The following FOXP1 variants were observed in gnomAD, a reference collection of about 807,000 sequenced individuals.
FOXP1 encodes forkhead box protein P1.
In FOXP1, 15 loss-of-function variants were observed where a neutral mutation model predicts 98.2. The ratio of observed to expected loss-of-function variants is 0.15; its 90% CI spans 0.10 to 0.24. The LOEUF (loss-of-function observed/expected upper bound fraction) is 0.24, where lower values mean the gene tolerates loss of function less well. FOXP1 is among the 10% of genes least tolerant of loss of function. FOXP1 has a pLI of 1.00. For synonymous variants in FOXP1, 371 were observed against 314.5 expected, an observed-to-expected ratio of 1.18 and a Z score of -1.90; for missense variants, 633 against 848.5, an observed-to-expected ratio of 0.75 and a Z score of 3.15.
At chr3:71,441,996 G>A (rs997971725) in intron 3 of FOXP1, among the ~76,000 whole-genome samples, 13 of 152,202 alleles carry the variant, frequency 8.5e-5, no homozygotes, top group African/African-American at 2.2e-4. Context: ...CACCCACTAC[G>A]TTCTTAACGA....
chr3:71,404,586 A>C (rs935611006), intron 3 of FOXP1, among the ~76,000 whole-genome samples: 63 of 149,094 alleles, frequency 4.2e-4, no homozygotes, highest in Admixed American at 6.0e-4. Context: ...AAAAAAAAAA[A>C]CCCATAATTG....
chr3:71,265,738 T>C (rs965952966), intron 5 of FOXP1, among the ~76,000 whole-genome samples: 2 of 152,182 alleles, frequency 1.3e-5, no homozygotes, highest in South Asian at 4.1e-4. Context: ...CATGGGCACA[T>C]GACGCGCTGG....
intron 6 of FOXP1, among the ~76,000 whole-genome samples, chr3:71,125,782 G>C (rs2107861253): frequency 6.6e-6 from 1 of 152,336 alleles, no homozygotes; most frequent in East Asian, 1.9e-4. Context: ...CAAAGAAATA[G>C]AAGTTTGCTT....
At chr3:71,391,529 C>T (rs1329585515) in intron 3 of FOXP1, among the ~76,000 whole-genome samples, 1 of 152,230 alleles carries the variant, frequency 6.6e-6, no homozygotes, top group Non-Finnish European at 1.5e-5. Flanking sequence ...CAGACACACA[C>T]TTCGGTCTTT....
At chr3:71,060,931 T>A (rs186470094) in intron 7 of FOXP1, among the ~76,000 whole-genome samples, 1 of 152,294 alleles carries the variant, frequency 6.6e-6, no homozygotes, top group African/African-American at 2.4e-5. Context: ...TATTCATTTT[T>A]CTCATTCGAA....
At chr3:71,131,284 A>C (rs906615159) in intron 6 of FOXP1, among the ~76,000 whole-genome samples, 1 of 151,962 alleles carries the variant, frequency 6.6e-6, no homozygotes, top group Admixed American at 6.6e-5. Context: ...TGATTGTCAC[A>C]GTCCTGTCTT....
chr3:71,004,052 AAACACAGCATT>A (rs2042447127), intron 12 of FOXP1, among the ~76,000 whole-genome samples: 1 of 149,996 alleles, frequency 6.7e-6, no homozygotes, highest in Non-Finnish European at 1.5e-5. Flanking sequence ...AACATAAAGA[AAACACAGCATT>A]GTGGACTTTA....
intron 2 of FOXP1, among the ~76,000 whole-genome samples, chr3:71,531,219 G>A (rs1376962528): frequency 6.6e-6 from 1 of 152,178 alleles, no homozygotes; most frequent in Non-Finnish European, 1.5e-5. Flanking sequence ...TTCAAATCCG[G>A]GCTTAGGATT....
chr3:71,404,029 G>A (rs1017549121), intron 3 of FOXP1, among the ~76,000 whole-genome samples: 5 of 151,454 alleles, frequency 3.3e-5, no homozygotes, highest in Non-Finnish European at 5.9e-5. Context: ...AAACAAAGAA[G>A]AGATATGGCG....
intron 5 of FOXP1, among the ~76,000 whole-genome samples, chr3:71,284,444 G>A (rs74531484): frequency 0.063 from 9,616 of 152,114 alleles, 602 homozygotes; most frequent in African/African-American, 0.17. Flanking sequence ...TGCAACTGAA[G>A]TCTAAGCTAC....
chr3:71,021,220 T>C (rs1037994012), intron 11 of FOXP1, among the ~76,000 whole-genome samples: 1 of 152,214 alleles, frequency 6.6e-6, no homozygotes, highest in African/African-American at 2.4e-5. Context: ...CTCCCAGCCC[T>C]TGCCAATCCC....
In FOXP1 at chr3:70,955,536, AAC is replaced by A. The variant is rs1450066153; in HGVS notation, c.*3709_*3710del. The A allele has an allele frequency of 8.6e-6, 2 of 232,568 alleles. No individual in the cohort carries two copies. The highest frequency in any genetic ancestry group is 1.1e-4 in the Admixed American group (2 of 17,742). 14.4% of individuals were successfully genotyped at this position (232,568 alleles called of 1,614,324 possible). A position where few individuals can be genotyped will look rare whatever the true frequency, so the allele number is the denominator to read the frequency against. On this transcript the variant is annotated 3_prime_UTR_variant, in exon 21 of 21. Coordinates refer to ENST00000649528, the MANE Select transcript of FOXP1 (RefSeq NM_001349338.3). ...TGCTTTTCTTTGAGAAAAAAAAAGT[AAC>A]AGATTTTCTTTACATCTTGGCACCT...
At chr3:71,246,318 T>C (rs1054334433) in intron 5 of FOXP1, among the ~76,000 whole-genome samples, 7 of 152,084 alleles carry the variant, frequency 4.6e-5, no homozygotes, top group Non-Finnish European at 5.9e-5. Flanking sequence ...AGAAACCTTC[T>C]GTGTACCAGG....
At chr3:71,041,686 C>T (rs1031154584) in intron 10 of FOXP1, among the ~76,000 whole-genome samples, 154 bp from the exon 11 acceptor site, 7 of 151,950 alleles carry the variant, frequency 4.6e-5, no homozygotes, top group African/African-American at 1.2e-4. Flanking sequence ...ACGGCAGATG[C>T]GGTAGTAAAA....
At chr3:71,001,150 C>G in intron 12 of FOXP1, 91 bp from the exon 13 acceptor site, 1 of 947,468 alleles carries the variant, frequency 1.1e-6, no homozygotes, top group Admixed American at 1.8e-5. Context: ...AACTAGGCAG[C>G]GGGTCTAGCT....
chr3:71,183,803 C>A (rs1203560746), intron 6 of FOXP1, among the ~76,000 whole-genome samples: 8 of 151,972 alleles, frequency 5.3e-5, no homozygotes, highest in African/African-American at 1.7e-4. Context: ...GGAGGCCCTG[C>A]CCCAGATCTA....
intron 7 of FOXP1, among the ~76,000 whole-genome samples, chr3:71,071,896 A>G (rs1012703928): frequency 3.9e-5 from 6 of 152,218 alleles, no homozygotes; most frequent in Non-Finnish European, 8.8e-5. Context: ...AACAACAACA[A>G]CAACAACGAC....
intron 6 of FOXP1, among the ~76,000 whole-genome samples, chr3:71,191,293 A>C (rs150634210): frequency 4.7e-4 from 72 of 152,368 alleles, no homozygotes; most frequent in African/African-American, 1.7e-3. Flanking sequence ...AATTACCATT[A>C]AAGTCATACC....
At chr3:71,576,180 T>C (rs191461174) in intron 2 of FOXP1, among the ~76,000 whole-genome samples, 1 of 152,306 alleles carries the variant, frequency 6.6e-6, no homozygotes, top group African/African-American at 2.4e-5. Flanking sequence ...CAGAATGACA[T>C]GGGCTTTCTA....
Sources: allele counts gnomAD v4.1 joint callset (sites outside exome capture counted in the v4.1 genomes callset), GRCh38; gene constraint gnomAD v4.1.1; transcripts MANE v1.5; gene names NCBI Gene and HGNC (gene_info 2026-07-23, HGNC 2026-07-21).